Variants in AKT3 observed in about 807,000 individuals in gnomAD.
AKT3 encodes the protein RAC-gamma serine/threonine-protein kinase.
Under a neutral mutation model 65.3 loss-of-function variants are expected in AKT3, and 15 were observed. That is an observed-to-expected ratio of 0.23 (90% CI 0.15 to 0.35). AKT3 has a LOEUF of 0.35. Among genes scored for constraint, AKT3 ranks in the 10% least tolerant of loss-of-function variants. The probability of loss-of-function intolerance (pLI) is 1.00; values close to 1 mark genes in which losing one functional copy is unlikely to be tolerated. For synonymous variants in AKT3, 206 were observed against 183.8 expected (o/e 1.12, Z -0.98); for missense variants, 243 against 576.5 (o/e 0.42, Z 5.92).
intron 2 of AKT3, among the ~76,000 whole-genome samples, chr1:243,763,612 G>A (rs1689633079): frequency 6.6e-6 from 1 of 151,920 alleles, no homozygotes; most frequent in Admixed American, 6.6e-5. Flanking sequence ...AAATTCTATA[G>A]CATACTCAAA....
At chr1:243,803,682 ACACACACACAT>A (rs1460399294) in intron 2 of AKT3, among the ~76,000 whole-genome samples, 1 of 148,790 alleles carries the variant, frequency 6.7e-6, no homozygotes, top group Non-Finnish European at 1.5e-5. Context: ...ACACACACAC[ACACACACACAT>A]AAGACTGAAA....
Position 243,769,356 on chromosome 1 carries a change from CTA to C in AKT3, c.47-73642_47-73641del, listed in dbSNP as rs146331656. On this transcript the variant is annotated intron_variant, in intron 2 of 13. Coordinates refer to ENST00000673466, the MANE Select transcript of AKT3 (RefSeq NM_005465.7). ...GTGTAGACTGCTGAGACCTACAACTCTATGTTTTAAGTTTTTGAGGAACTGCT... is the reference window on the plus strand; with the variant it reads ...GTGTAGACTGCTGAGACCTACAACTCTGTTTTAAGTTTTTGAGGAACTGCT... Among the ~76,000 whole-genome samples, 1,214 of 152,280 alleles carry C rather than the reference CTA, an allele frequency of 8.0e-3. 21 individuals carry two copies. The highest frequency in any genetic ancestry group is 0.027 in the African/African-American group (1,135 of 41,534).
chr1:243,743,811 A>G (rs1178016227), intron 2 of AKT3, among the ~76,000 whole-genome samples: 1 of 152,180 alleles, frequency 6.6e-6, no homozygotes, highest in African/African-American at 2.4e-5. Context: ...GGAGTTTAAG[A>G]CCAGCCTCAG....
At chr1:243,676,454 G>GGCCC (rs1273873967) in intron 3 of AKT3, among the ~76,000 whole-genome samples, 1 of 152,180 alleles carries the variant, frequency 6.6e-6, no homozygotes, top group Non-Finnish European at 1.5e-5. Context: ...TGCATCGACT[G>GGCCC]ACACCTGATG....
chr1:243,703,561 G>A (rs1288111485), intron 2 of AKT3, among the ~76,000 whole-genome samples: 1 of 151,938 alleles, frequency 6.6e-6, no homozygotes, highest in Non-Finnish European at 1.5e-5. Context: ...AGGAGTCAGA[G>A]ACCAGCCTGG....
chr1:243,819,165 C>A (rs1018953696), intron 2 of AKT3, among the ~76,000 whole-genome samples: 1 of 152,216 alleles, frequency 6.6e-6, no homozygotes, highest in Non-Finnish European at 1.5e-5. Context: ...GTCATCACTG[C>A]GGCTGCCTGC....
intron 8 of AKT3, among the ~76,000 whole-genome samples, chr1:243,594,647 C>T (rs1027251324): frequency 1.1e-4 from 17 of 152,122 alleles, no homozygotes; most frequent in African/African-American, 4.1e-4. Context: ...GTCCAGTCTG[C>T]AATGCAGTGG....
intron 12 of AKT3, among the ~76,000 whole-genome samples, chr1:243,526,450 T>A (rs1054469924): frequency 6.6e-6 from 1 of 152,046 alleles, no homozygotes; most frequent in African/African-American, 2.4e-5. Flanking sequence ...GCAGACAACA[T>A]GAATGAGCTA....
At chr1:243,553,656 T>C (rs1478515817) in intron 10 of AKT3, among the ~76,000 whole-genome samples, 2 of 152,182 alleles carry the variant, frequency 1.3e-5, no homozygotes, top group African/African-American at 4.8e-5. Flanking sequence ...GTGGTATATG[T>C]CCTTAAATTT....
At chr1:243,583,156 A>G (rs1170983929) in intron 8 of AKT3, among the ~76,000 whole-genome samples, 1 of 70,268 alleles carries the variant, frequency 1.4e-5, no homozygotes, top group African/African-American at 4.7e-5. Flanking sequence ...TCTCTCTTCC[A>G]TGTATATGTG....
chr1:243,678,424 G>C (rs1354974991), intron 3 of AKT3, among the ~76,000 whole-genome samples: 1 of 152,058 alleles, frequency 6.6e-6, no homozygotes, highest in Admixed American at 6.6e-5. Context: ...TAGAAGAATG[G>C]GGGGAAAATC....
chr1:243,758,819 C>T (rs1380771804), intron 2 of AKT3, among the ~76,000 whole-genome samples: 1 of 152,182 alleles, frequency 6.6e-6, no homozygotes, highest in East Asian at 1.9e-4. Context: ...GCTCGCTCAC[C>T]TCTTGCTGTG....
At chr1:243,489,034 A>G in intron 13 of AKT3, 1 of 1,613,400 alleles carries the variant, frequency 6.2e-7, no homozygotes. Flanking sequence ...CTGGATAAGC[A>G]CAGCCAGGCC....
intron 2 of AKT3, among the ~76,000 whole-genome samples, chr1:243,721,525 A>T (rs1042262891): frequency 2.9e-4 from 44 of 152,116 alleles, no homozygotes; most frequent in African/African-American, 9.4e-4. Context: ...CAGATTTGTT[A>T]TGCTTTTCTC....
chr1:243,496,699 C>A (rs1668001747), downstream of AKT3, among the ~76,000 whole-genome samples: 1 of 152,216 alleles, frequency 6.6e-6, no homozygotes, highest in African/African-American at 2.4e-5. Context: ...GGGAACAAAG[C>A]AGCAGCAAAG....
At chr1:243,600,939 G>A (rs1322429875) in intron 8 of AKT3, among the ~76,000 whole-genome samples, 3 of 152,108 alleles carry the variant, frequency 2.0e-5, no homozygotes, top group Non-Finnish European at 2.9e-5. Context: ...AGTGAGGGGA[G>A]AGAATTGACT....
intron 2 of AKT3, among the ~76,000 whole-genome samples, chr1:243,754,028 T>A (rs1483238566): frequency 1.3e-5 from 2 of 152,174 alleles, no homozygotes; most frequent in Non-Finnish European, 2.9e-5. Context: ...TGGAAGTAGA[T>A]TATGTACAAT....
At chr1:243,705,329 C>T (rs1685728842) in intron 2 of AKT3, among the ~76,000 whole-genome samples, 1 of 152,170 alleles carries the variant, frequency 6.6e-6, no homozygotes, top group Non-Finnish European at 1.5e-5. Context: ...GTTAGAATGG[C>T]AACTTCTCTA....
intron 8 of AKT3, among the ~76,000 whole-genome samples, chr1:243,593,833 A>G (rs1014346998): frequency 3.3e-5 from 5 of 152,220 alleles, no homozygotes; most frequent in African/African-American, 1.2e-4. Context: ...TATGACTAAC[A>G]TCACACTTAA....
Sources: gnomAD v4.1 joint callset for allele counts (sites outside exome capture counted in the v4.1 genomes callset) on GRCh38, gnomAD v4.1.1 for gene constraint, MANE v1.5 for transcripts, NCBI Gene and HGNC (gene_info 2026-07-23, HGNC 2026-07-21) for gene names.